Variants in DNAJC1 observed in about 807,000 individuals in gnomAD.
The protein encoded by DNAJC1 is dnaJ homolog subfamily C member 1.
DNAJC1 carries 58 observed loss-of-function variants against 76.6 expected under a neutral mutation model. The observed-to-expected ratio is 0.76, with a 90% CI of 0.61 to 0.94. The LOEUF (loss-of-function observed/expected upper bound fraction) is 0.94. Ranked by LOEUF, DNAJC1 falls within the 40% of genes least tolerant of loss-of-function variation. The pLI is 0.00. For synonymous variants in DNAJC1, 258 were observed against 267.9 expected, an observed-to-expected ratio of 0.96 and a Z score of 0.36; for missense variants, 689 against 677.3, an observed-to-expected ratio of 1.02 and a Z score of -0.19.
chr10:21,916,809 A>AATGTTT lies in DNAJC1; in HGVS notation c.729+1969_729+1970insAAACAT, dbSNP rs541814739. 2.3e-3 allele frequency among the ~76,000 whole-genome samples: 344 copies of AATGTTT among 152,298 alleles called. 3 individuals carry two copies. Among genetic ancestry groups the AATGTTT allele is most frequent in the African/African-American group, 7.8e-3 (324 of 41,568 alleles). ...TGTTTTGCTAATGTATTTCATAAGC[A>AATGTTT]ATCAATCTAAAGTACTTTCTAAAGT... On this transcript the variant is annotated intron_variant, in intron 6 of 11. Transcript: ENST00000376980.
At chr10:21,861,869 G>C (rs926608092) in intron 8 of DNAJC1, among the ~76,000 whole-genome samples, 2 of 152,154 alleles carry the variant, frequency 1.3e-5, no homozygotes, top group Admixed American at 6.5e-5. Flanking sequence ...GGGGCTGCTC[G>C]ATCTGGAGTA....
chr10:21,818,941 A>G (rs933113140), intron 8 of DNAJC1, among the ~76,000 whole-genome samples: 11 of 152,204 alleles, frequency 7.2e-5, no homozygotes, highest in African/African-American at 2.4e-4. Flanking sequence ...TTGTTTTTAG[A>G]AAAATGCAGA....
chr10:21,864,704 TA>T (rs1459400759), intron 8 of DNAJC1, among the ~76,000 whole-genome samples: 4 of 152,038 alleles, frequency 2.6e-5, no homozygotes, highest in Non-Finnish European at 4.4e-5. Context: ...AAAGATTTCC[TA>T]ATTATGACAT....
intron 9 of DNAJC1, among the ~76,000 whole-genome samples, chr10:21,780,001 G>T (rs939157314): frequency 6.6e-6 from 1 of 152,134 alleles, no homozygotes; most frequent in Non-Finnish European, 1.5e-5. Flanking sequence ...ATCAGTGATG[G>T]AAGATCAAAT....
chr10:21,818,333 G>C (rs1275267899), intron 8 of DNAJC1, among the ~76,000 whole-genome samples: 1 of 152,156 alleles, frequency 6.6e-6, no homozygotes, highest in Non-Finnish European at 1.5e-5. Context: ...TTTTTGGTCA[G>C]ACCAGTTGTC....
At chr10:21,933,673 T>C (rs1279424971) in intron 1 of DNAJC1, among the ~76,000 whole-genome samples, 1 of 152,222 alleles carries the variant, frequency 6.6e-6, no homozygotes, top group Non-Finnish European at 1.5e-5. Flanking sequence ...TATTTATTCA[T>C]TTATATTTAG....
chr10:21,842,287 T>C (rs1590009953), intron 8 of DNAJC1, among the ~76,000 whole-genome samples: 1 of 147,242 alleles, frequency 6.8e-6, no homozygotes, highest in Non-Finnish European at 1.5e-5. Flanking sequence ...GAGAAGCAAA[T>C]AGGATGAACT....
At chr10:21,953,474 A>C (rs1187335151) in intron 1 of DNAJC1, among the ~76,000 whole-genome samples, 1 of 152,002 alleles carries the variant, frequency 6.6e-6, no homozygotes, top group East Asian at 1.9e-4. Context: ...TGGTGAATTA[A>C]TTTCCATAAT....
intron 11 of DNAJC1, among the ~76,000 whole-genome samples, chr10:21,757,106 C>A (rs1467397002): frequency 6.6e-6 from 1 of 152,176 alleles, no homozygotes; most frequent in Non-Finnish European, 1.5e-5. Flanking sequence ...TTAAAGAAAT[C>A]AAAAACCCTG....
At chr10:21,812,031 A>G (rs1589990360) in intron 8 of DNAJC1, among the ~76,000 whole-genome samples, 1 of 152,012 alleles carries the variant, frequency 6.6e-6, no homozygotes, top group East Asian at 1.9e-4. Flanking sequence ...TTACTGTGGT[A>G]ATAATTTGCA....
intron 8 of DNAJC1, among the ~76,000 whole-genome samples, chr10:21,838,602 C>T (rs1200959646): frequency 6.6e-6 from 1 of 151,932 alleles, no homozygotes; most frequent in Non-Finnish European, 1.5e-5. Context: ...CCATGAGAAA[C>T]ACCCAAGAAT....
chr10:22,003,366 C>A lies in DNAJC1; in HGVS notation c.69G>T (p.Pro23=). The change falls in exon 1 of 12, where the codon CCG becomes CCT. Residue 23 remains proline, a synonymous_variant. Transcript: ENST00000376980. ...GRRQLGLVPF[P]PPPPRTPLLW... Reference sequence around the variant, plus strand: ...GCAGCGGCGTCCGCGGCGGCGGCGGCGGGAACGGCACCAGCCCGAGCTGGC... The same window carrying A: ...GCAGCGGCGTCCGCGGCGGCGGCGGAGGGAACGGCACCAGCCCGAGCTGGC... 2 of 1,408,206 alleles carry A rather than the reference C, an allele frequency of 1.4e-6. No individual in the cohort carries two copies. The highest frequency in any genetic ancestry group is 1.6e-5 in the South Asian group (1 of 61,004). 87.2% of individuals were successfully genotyped at this position (1,408,206 alleles called of 1,614,324 possible). A position where few individuals can be genotyped will look rare whatever the true frequency, so the allele number is the denominator to read the frequency against.
At chr10:21,891,567 G>A (rs1044033599) in intron 7 of DNAJC1, among the ~76,000 whole-genome samples, 1 of 150,636 alleles carries the variant, frequency 6.6e-6, no homozygotes, top group African/African-American at 2.4e-5. Flanking sequence ...AGCAGCAACA[G>A]AGAAACAAGA....
chr10:21,759,703 A>G, intron 10 of DNAJC1, 85 bp from the exon 11 acceptor site: 4 of 1,317,538 alleles, frequency 3.0e-6, no homozygotes, highest in Non-Finnish European at 4.2e-6. Context: ...GGCACAGAGC[A>G]GGCAGCGCAC....
chr10:21,822,314 C>T (rs1835173288), intron 8 of DNAJC1, among the ~76,000 whole-genome samples: 1 of 151,998 alleles, frequency 6.6e-6, no homozygotes, highest in African/African-American at 2.4e-5. Context: ...TGGTGCACAC[C>T]TGTAATCCCA....
intron 1 of DNAJC1, among the ~76,000 whole-genome samples, chr10:21,966,032 T>C (rs1837883292): frequency 6.6e-6 from 1 of 152,226 alleles, no homozygotes; most frequent in Non-Finnish European, 1.5e-5. Context: ...CAGTCTTTCT[T>C]GTGTTTCTTG....
chr10:21,804,628 C>T (rs1240393048), intron 9 of DNAJC1, among the ~76,000 whole-genome samples: 1 of 147,982 alleles, frequency 6.8e-6, no homozygotes, highest in African/African-American at 2.5e-5. Flanking sequence ...TTTCTAGTAA[C>T]TCAAGATAAC....
intron 7 of DNAJC1, among the ~76,000 whole-genome samples, chr10:21,884,562 C>G (rs550593459): frequency 6.6e-6 from 1 of 152,044 alleles, no homozygotes; most frequent in South Asian, 2.1e-4. Context: ...AACAAAAGTA[C>G]TCAAATATAA....
In DNAJC1 at chr10:21,919,886, GTCTTTTTTTTCT is replaced by G; in HGVS notation, c.569_580del (p.Lys190_Lys193del). ...TGATACATCCACACTCTTGCTGCCA[GTCTTTTTTTTCT>G]TTTCTCTCTTTTTTCTACTTAGTAG... On this transcript the variant is annotated inframe_deletion, in exon 5 of 12. Transcript: ENST00000376980. The G allele has an allele frequency of 6.2e-7, 1 of 1,608,736 alleles. No homozygotes were observed. The highest frequency in any genetic ancestry group is 8.5e-7 in the Non-Finnish European group (1 of 1,178,554).
Sources: gnomAD v4.1 joint callset for allele counts (sites outside exome capture counted in the v4.1 genomes callset) on GRCh38, gnomAD v4.1.1 for gene constraint, MANE v1.5 for transcripts, NCBI Gene and HGNC (gene_info 2026-07-23, HGNC 2026-07-21) for gene names.